Variants in P2RX7 observed in about 807,000 individuals in gnomAD.
P2RX7 encodes the protein P2X purinoceptor 7.
A neutral mutation model predicts 71.6 loss-of-function variants in P2RX7; 62 were observed. The ratio of observed to expected loss-of-function variants is 0.87; its 90% CI spans 0.71 to 1.07. The LOEUF is 1.07. P2RX7 is among the 50% of genes least tolerant of loss of function. The pLI is 0.00. For missense variants in P2RX7, 686 were observed against 748.5 expected (o/e 0.92, Z 0.97); for synonymous variants, 299 against 283.3 (o/e 1.06, Z -0.56).
rs932967053 is a variant in P2RX7 at position 121,187,526 on chromosome 12, G to A, written c.*2724G>A. The stretch of plus-strand genomic sequence containing the variant: ...GGGCCTTTGTACCTTTGTTTTTGGT[G>A]CCTTATTCCTAGTATGTTTCTATCA... On this transcript the variant is annotated 3_prime_UTR_variant, in exon 13 of 13. Transcript: ENST00000328963. 2.0e-5 allele frequency: 3 copies of A among 152,054 alleles called. No individual in the cohort carries two copies. The highest frequency in any genetic ancestry group is 4.4e-5 in the Non-Finnish European group (3 of 68,036). 9.4% of individuals were successfully genotyped at this position (152,054 alleles called of 1,614,324 possible). A position where few individuals can be genotyped will look rare whatever the true frequency, so the allele number is the denominator to read the frequency against.
intron 12 of P2RX7, among the ~76,000 whole-genome samples, chr12:121,180,918 T>G (rs1328919794): frequency 6.6e-6 from 1 of 151,654 alleles, no homozygotes; most frequent in Non-Finnish European, 1.5e-5. Context: ...GAGCCGAGAT[T>G]GTGCCATTGC....
At chr12:121,134,833 A>G (rs1873201693) in intron 1 of P2RX7, among the ~76,000 whole-genome samples, 1 of 152,142 alleles carries the variant, frequency 6.6e-6, no homozygotes, top group African/African-American at 2.4e-5. Flanking sequence ...ATTTGTATCT[A>G]TAGAGTGGCA....
At chr12:121,144,254 G>A (rs1485912917) in intron 1 of P2RX7, among the ~76,000 whole-genome samples, 1 of 152,208 alleles carries the variant, frequency 6.6e-6, no homozygotes, top group Admixed American at 6.5e-5. Context: ...CTGGAGTGCA[G>A]TGGTATGATC....
At chr12:121,136,024 A>AAAAAAAAAAATATATATG (rs1555222075) in intron 1 of P2RX7, among the ~76,000 whole-genome samples, 3 of 11,668 alleles carry the variant, frequency 2.6e-4, no homozygotes, top group African/African-American at 3.2e-4. Flanking sequence ...AAAAAAAAAA[A>AAAAAAAAAAATATATATG]TATATATATA....
At chr12:121,157,983 C>T (rs1187516558) in intron 3 of P2RX7, among the ~76,000 whole-genome samples, 1 of 152,160 alleles carries the variant, frequency 6.6e-6, no homozygotes, top group Non-Finnish European at 1.5e-5. Flanking sequence ...TGGAACCCAA[C>T]AGGTTCCATC....
intron 1 of P2RX7, among the ~76,000 whole-genome samples, chr12:121,152,645 G>A (rs770156733): frequency 6.6e-6 from 1 of 152,152 alleles, no homozygotes; most frequent in African/African-American, 2.4e-5. Flanking sequence ...TCAGCCTCCC[G>A]AATAGGTGGG....
chr12:121,184,544 A>G lies in P2RX7; in HGVS notation c.1530A>G (p.Ser510=), dbSNP rs1257726330. The change falls in exon 13 of 13, where the codon TCA becomes TCG. Residue 510 remains serine (S), a synonymous_variant. Coordinates refer to ENST00000328963, the MANE Select transcript of P2RX7 (RefSeq NM_002562.6). ...RKKPGACITT[S]ELFRKLVLSR... ...AGCCGGGGGCCTGCATCACCACCTC[A>G]GAGCTGTTCAGGAAGCTGGTCCTGT... 4 of 1,614,096 alleles carry G rather than the reference A, an allele frequency of 2.5e-6. No individual in the cohort carries two copies. The highest frequency in any genetic ancestry group is 4.5e-5 in the East Asian group (2 of 44,904).
intron 8 of P2RX7, among the ~76,000 whole-genome samples, chr12:121,175,057 C>T (rs1882837658): frequency 6.6e-6 from 1 of 152,050 alleles, no homozygotes; most frequent in South Asian, 2.1e-4. Flanking sequence ...TGCCTGTAAC[C>T]CCAGAACTTT....
chr12:121,135,281 T>C (rs1269604200), intron 1 of P2RX7, among the ~76,000 whole-genome samples: 1 of 152,022 alleles, frequency 6.6e-6, no homozygotes, highest in East Asian at 1.9e-4. Context: ...GAGGTTGCAG[T>C]GAGCCAAGAT....
intron 5 of P2RX7, among the ~76,000 whole-genome samples, chr12:121,162,735 C>T (rs571704210): frequency 4.1e-4 from 63 of 152,226 alleles, no homozygotes; most frequent in Admixed American, 8.5e-4. Context: ...ACTCCTGTAC[C>T]AACTGGTAAA....
intron 3 of P2RX7, among the ~76,000 whole-genome samples, chr12:121,157,680 G>T (rs1878865662): frequency 1.3e-5 from 2 of 152,202 alleles, no homozygotes; most frequent in African/African-American, 2.4e-5. Flanking sequence ...AGTTAGGATA[G>T]CCCAGAGATT....
Position 121,167,571 on chromosome 12 carries a change from T to C in P2RX7, c.828T>C (p.Arg276=). Residue 276 remains arginine (R), a synonymous_variant, in exon 8 of 13, where the codon CGT becomes CGC. Coordinates refer to ENST00000328963, the MANE Select transcript of P2RX7 (RefSeq NM_002562.6). ...FHHCRPKYSF[R]RLDDKTTNVS... ...ACTGCCGTCCCAAATACAGTTTCCGTCGCCTTGACGACAAGACCACCAACG... is the reference window on the plus strand; with the variant it reads ...ACTGCCGTCCCAAATACAGTTTCCGCCGCCTTGACGACAAGACCACCAACG... 6.2e-7 allele frequency: 1 copy of C among 1,612,622 alleles called. No homozygotes were observed. The highest frequency in any genetic ancestry group is 8.5e-7 in the Non-Finnish European group (1 of 1,179,274).
intron 9 of P2RX7, 52 bp from the exon 10 acceptor site, chr12:121,177,095 A>C: frequency 6.6e-7 from 1 of 1,513,960 alleles, no homozygotes; most frequent in Non-Finnish European, 9.2e-7. Flanking sequence ...GTTGAAGCAA[A>C]AGAGCGTTGC....
chr12:121,157,511 G>A (rs1413063936), intron 3 of P2RX7, among the ~76,000 whole-genome samples: 1 of 152,174 alleles, frequency 6.6e-6, no homozygotes, highest in Non-Finnish European at 1.5e-5. Flanking sequence ...GGCCAGCCAA[G>A]CCCTCCCTTC....
chr12:121,176,357 G>A (rs552218966), intron 9 of P2RX7, among the ~76,000 whole-genome samples: 22 of 152,004 alleles, frequency 1.4e-4, no homozygotes, highest in Non-Finnish European at 2.5e-4. Context: ...CATATCCCAC[G>A]ACATCCTGTC....
At chr12:121,163,607 A>C (rs1371726773) in intron 5 of P2RX7, among the ~76,000 whole-genome samples, 1 of 87,742 alleles carries the variant, frequency 1.1e-5, no homozygotes, top group East Asian at 3.2e-4. Flanking sequence ...GTAGATAGAT[A>C]GATAGATAGA....
intron 1 of P2RX7, among the ~76,000 whole-genome samples, chr12:121,148,270 A>C (rs751759007): frequency 1.3e-5 from 2 of 151,280 alleles, no homozygotes; most frequent in African/African-American, 2.4e-5. Context: ...GCTGGAGTGC[A>C]ATGGCATGAT....
At chr12:121,175,317 A>C (rs1348231221) in intron 8 of P2RX7, 71 bp from the exon 9 acceptor site, 1 of 925,728 alleles carries the variant, frequency 1.1e-6, no homozygotes, top group Non-Finnish European at 1.7e-6. Context: ...TCTCAAAAAA[A>C]AAAAAAAAAA....
chr12:121,141,457 G>C (rs1387518880), intron 1 of P2RX7, among the ~76,000 whole-genome samples: 1 of 152,198 alleles, frequency 6.6e-6, no homozygotes, highest in Non-Finnish European at 1.5e-5. Flanking sequence ...CAGGCCCACA[G>C]CTGGCCGGTA....
Sources: gnomAD v4.1 joint callset for allele counts (sites outside exome capture counted in the v4.1 genomes callset) on GRCh38, gnomAD v4.1.1 for gene constraint, MANE v1.5 for transcripts, NCBI Gene and HGNC (gene_info 2026-07-23, HGNC 2026-07-21) for gene names.